DHX57: variants seen among roughly 807,000 people sequenced by gnomAD.
DHX57 encodes the protein DExH-box helicase 57.
A neutral mutation model predicts 156.2 loss-of-function variants in DHX57; 105 were observed. The observed-to-expected ratio is 0.67, with a 90% confidence interval of 0.57 to 0.79. DHX57 has a LOEUF of 0.79. Ranked by LOEUF, DHX57 falls within the 30% of genes least tolerant of loss-of-function variation. The pLI, the probability that DHX57 is intolerant of heterozygous loss-of-function variation, is 0.00. For synonymous variants in DHX57, 704 were observed against 595.6 expected (o/e 1.18, Z -2.65); for missense variants, 1,847 against 1,661.9 (o/e 1.11, Z -1.94).
intron 2 of DHX57, 79 bp from the exon 3 acceptor site, chr2:38,863,598 T>C (rs2124936847): frequency 1.5e-6 from 2 of 1,312,634 alleles, no homozygotes; most frequent in East Asian, 2.3e-5. Flanking sequence ...TCCCCAGATA[T>C]ACACAATACA....
chr2:38,811,189 T>G, intron 21 of DHX57: 1 of 492,980 alleles, frequency 2.0e-6, no homozygotes. Context: ...TCTCTGCATA[T>G]TCCATCAGAT....
chr2:38,801,823 C>T (rs551628816), intron 23 of DHX57, among the ~76,000 whole-genome samples: 3 of 152,258 alleles, frequency 2.0e-5, no homozygotes, highest in East Asian at 1.9e-4. Flanking sequence ...TCTCGAACTC[C>T]TGACCTCAGG....
chr2:38,811,352 C>G, intron 21 of DHX57: 1 of 529,876 alleles, frequency 1.9e-6, no homozygotes. Flanking sequence ...TGCCCCCTCC[C>G]ACTGAGCAAT....
chr2:38,814,800 G>A lies in DHX57; in HGVS notation c.3606+721C>T, dbSNP rs1009178818. 2.0e-5 allele frequency among the ~76,000 whole-genome samples: 3 copies of A among 151,728 alleles called. No individual in the cohort carries two copies. The East Asian group carries it at 5.8e-4, about 30-fold the overall frequency. ...TGCAATGGCGCGATCTCGGCTCACC[G>A]CAACTTCCACCTCCCGGGTTCAAGC... On this transcript the variant is annotated intron_variant, in intron 20 of 23. Transcript: ENST00000457308.
chr2:38,808,498 G>A (rs997718842), intron 21 of DHX57, among the ~76,000 whole-genome samples: 1 of 151,936 alleles, frequency 6.6e-6, no homozygotes, highest in African/African-American at 2.4e-5. Flanking sequence ...GGATATATAA[G>A]ACCTTGTTGT....
At chr2:38,843,309 T>C (rs1250075844) in intron 11 of DHX57, 99 bp from the exon 12 acceptor site, 2 of 1,236,758 alleles carry the variant, frequency 1.6e-6, no homozygotes, top group Admixed American at 3.9e-5. Context: ...AAAATGTCAC[T>C]GTCTGCCCAA....
rs140056476 is a variant in DHX57 at position 38,855,197 on chromosome 2, G to T, written c.1765C>A (p.Pro589Thr). 1 of 1,614,122 alleles carries T rather than the reference G, an allele frequency of 6.2e-7. No individual in the cohort carries two copies. The stretch of plus-strand genomic sequence containing the variant: ...ATGATGTTGGCTACCTTCTCAGGTG[G>T]TCCATTCAGAGAATCATCCAGAATA... ...QFILDDSLNG[P>T]PEKVANIICT... Residue 589 changes from proline (P) to threonine (T), a missense_variant, in exon 8 of 24, where the codon CCA becomes ACA. By Grantham distance (38) the Pro-to-Thr change is conservative (BLOSUM62 -1). Coordinates refer to ENST00000457308, the MANE Select transcript of DHX57 (RefSeq NM_198963.3).
intron 5 of DHX57, among the ~76,000 whole-genome samples, chr2:38,860,005 G>A: frequency 6.6e-6 from 1 of 152,030 alleles, no homozygotes; most frequent in East Asian, 1.9e-4. Context: ...ATTTTCTAGA[G>A]ATGGGGTCTC....
intron 5 of DHX57, among the ~76,000 whole-genome samples, chr2:38,859,927 C>T (rs1196416681): frequency 6.6e-6 from 1 of 151,498 alleles, no homozygotes; most frequent in Non-Finnish European, 1.5e-5. Flanking sequence ...TCCCCCACAT[C>T]AGCCTCTTGA....
intron 11 of DHX57, among the ~76,000 whole-genome samples, chr2:38,846,328 G>A (rs1237566267): frequency 6.6e-6 from 1 of 152,086 alleles, no homozygotes; most frequent in Non-Finnish European, 1.5e-5. Context: ...CAAAGTTATA[G>A]TAAGTAGAGG....
intron 13 of DHX57, among the ~76,000 whole-genome samples, chr2:38,834,511 C>A (rs1671553207): frequency 6.6e-6 from 1 of 152,058 alleles, no homozygotes; most frequent in Non-Finnish European, 1.5e-5. Context: ...TGACACTAAT[C>A]ATCTCCAAGT....
chr2:38,864,025 CA>C (rs1664916546), intron 2 of DHX57, among the ~76,000 whole-genome samples: 1 of 148,574 alleles, frequency 6.7e-6, no homozygotes, highest in Admixed American at 6.7e-5. Context: ...AAAAAAAAAA[CA>C]ACAAAACTTA....
chr2:38,822,940 G>C (rs1423083801), intron 17 of DHX57, 53 bp downstream of exon 17: 2 of 1,570,846 alleles, frequency 1.3e-6, no homozygotes, highest in Non-Finnish European at 1.7e-6. Flanking sequence ...GGTCCCCTTA[G>C]AGACCTATGG....
At chr2:38,824,918 G>A (rs1300423470) in intron 16 of DHX57, among the ~76,000 whole-genome samples, 5 of 152,102 alleles carry the variant, frequency 3.3e-5, no homozygotes, top group African/African-American at 1.2e-4. Context: ...CAAAGTGCTG[G>A]GATTACAGGC....
intron 1 of DHX57, among the ~76,000 whole-genome samples, chr2:38,873,615 G>C (rs894964479): frequency 6.6e-6 from 1 of 152,126 alleles, no homozygotes; most frequent in African/African-American, 2.4e-5. Flanking sequence ...ATGAATGATT[G>C]AAGGTTGAAA....
intron 11 of DHX57, among the ~76,000 whole-genome samples, chr2:38,846,738 C>T (rs1672305954): frequency 6.6e-6 from 1 of 151,968 alleles, no homozygotes; most frequent in Non-Finnish European, 1.5e-5. Context: ...AAAATCACTT[C>T]TTGGCTTTTT....
intron 11 of DHX57, 104 bp from the exon 12 acceptor site, chr2:38,843,314 G>A: frequency 2.5e-6 from 3 of 1,180,040 alleles, no homozygotes; most frequent in Non-Finnish European, 3.6e-6. Context: ...GTCACTGTCT[G>A]CCCAATTCAC....
intron 23 of DHX57, among the ~76,000 whole-genome samples, chr2:38,800,889 A>T (rs1443140596): frequency 1.3e-5 from 2 of 152,180 alleles, no homozygotes; most frequent in African/African-American, 4.8e-5. Flanking sequence ...CCAAACTGAG[A>T]TGTGCTGCGA....
chr2:38,826,041 A>T lies in DHX57; in HGVS notation c.2820T>A (p.Asp940Glu), dbSNP rs199924545. ...DSGKMKEKRY[D>E]ASKGMESLED... ...CTAGACTTTCCATCCCTTTGCTGGC[A>T]TCATATCTATAAAGAAAAAGAAAAT... The change falls in exon 16 of 24, where the codon GAT becomes GAA. Residue 940 changes from aspartate to glutamate, a missense_variant. Transcript: ENST00000457308. The T allele has an allele frequency of 2.5e-6, 4 of 1,613,388 alleles. No homozygotes were observed. The highest frequency in any genetic ancestry group is 3.4e-6 in the Non-Finnish European group (4 of 1,179,598).
Sources: allele counts gnomAD v4.1 joint callset (sites outside exome capture counted in the v4.1 genomes callset), GRCh38; gene constraint gnomAD v4.1.1; transcripts MANE v1.5; gene names NCBI Gene and HGNC (gene_info 2026-07-23, HGNC 2026-07-21).